SLC2A7: variants seen among roughly 807,000 people sequenced by gnomAD.
The protein encoded by SLC2A7 is solute carrier family 2 member 7.
Under a neutral mutation model 50.5 loss-of-function variants are expected in SLC2A7, and 50 were observed. The ratio of observed to expected loss-of-function variants is 0.99; its 90% CI spans 0.79 to 1.25. SLC2A7 has a LOEUF of 1.25. Ranked by LOEUF, SLC2A7 falls within the 50% of genes most tolerant of loss-of-function variation. The probability of loss-of-function intolerance (pLI) is 0.00; values close to 1 mark genes in which losing one functional copy is unlikely to be tolerated. For missense variants in SLC2A7, 683 were observed against 679.1 expected, an observed-to-expected ratio of 1.01 and a Z score of -0.06; for synonymous variants, 308 against 300.4, an observed-to-expected ratio of 1.03 and a Z score of -0.26.
chr1:9,009,501 G>A (rs971401860), intron 9 of SLC2A7, among the ~76,000 whole-genome samples: 80 of 152,150 alleles, frequency 5.3e-4, no homozygotes, highest in Non-Finnish European at 1.1e-3. Context: ...CTGTCCCCCA[G>A]GCTGGAGTAC....
chr1:9,014,931 C>T (rs1640806249), intron 6 of SLC2A7, 63 bp from the exon 7 acceptor site: 1 of 1,516,726 alleles, frequency 6.6e-7, no homozygotes, highest in Non-Finnish European at 8.8e-7. Context: ...CCCAAGCCCC[C>T]ATGCTGGCCC....
intron 6 of SLC2A7, 59 bp from the exon 7 acceptor site, chr1:9,014,927 C>T: frequency 2.0e-6 from 3 of 1,520,604 alleles, no homozygotes; most frequent in Admixed American, 4.2e-5. Flanking sequence ...GGGCCCCAAG[C>T]CCCCATGCTG....
At chr1:9,017,335 AAAC>A (rs537017393) in intron 5 of SLC2A7, among the ~76,000 whole-genome samples, 3 of 151,972 alleles carry the variant, frequency 2.0e-5, no homozygotes, top group African/African-American at 7.3e-5. Flanking sequence ...AACAACAACA[AAAC>A]AACAACAACA....
chr1:9,022,308 C>T (rs1015379649), intron 3 of SLC2A7, among the ~76,000 whole-genome samples: 1 of 152,168 alleles, frequency 6.6e-6, no homozygotes, highest in African/African-American at 2.4e-5. Context: ...CACGCTTTGC[C>T]CTCCTGGGAA....
chr1:9,021,641 C>T (rs965419398), intron 3 of SLC2A7, among the ~76,000 whole-genome samples: 8 of 152,216 alleles, frequency 5.3e-5, no homozygotes, highest in African/African-American at 1.9e-4. Context: ...CTCCCTGGGG[C>T]TGCCACAGCC....
At chr1:9,004,429 T>A (rs1423333149) in intron 11 of SLC2A7, among the ~76,000 whole-genome samples, 2 of 152,072 alleles carry the variant, frequency 1.3e-5, no homozygotes, top group African/African-American at 4.8e-5. Flanking sequence ...TGGCCCATCT[T>A]GTCTTCGGAA....
intron 11 of SLC2A7, among the ~76,000 whole-genome samples, chr1:9,004,454 G>C (rs550902291): frequency 1.2e-4 from 18 of 152,174 alleles, no homozygotes; most frequent in Admixed American, 1.1e-3. Context: ...GGAAGGAAGC[G>C]GTGGGGGATC....
chr1:9,014,722 T>C lies in SLC2A7; in HGVS notation c.862A>G (p.Ile288Val), dbSNP rs1640799749. ...AGCTGCTGGCCGGCCATGAGCACGA[T>C]GATGGAGAGGAGCTGCCAGCGCAGG... ...RSLRWQLLSI[I>V]VLMAGQQLSG... Residue 288 changes from isoleucine to valine, a missense_variant, in exon 7 of 12, where the codon ATC (isoleucine) becomes GTC (valine). Coordinates refer to ENST00000400906, the MANE Select transcript of SLC2A7 (RefSeq NM_207420.3). 2 of 1,569,910 alleles carry C rather than the reference T, an allele frequency of 1.3e-6. No individual in the cohort carries two copies. The highest frequency in any genetic ancestry group is 1.7e-6 in the Non-Finnish European group (2 of 1,157,702).
At chr1:8,994,768 T>C in the SLC2A7 span, among the ~76,000 whole-genome samples, 1 of 152,018 alleles carries the variant, frequency 6.6e-6, no homozygotes. Flanking sequence ...TTCTTTTTTT[T>C]TCTTTGTTTT....
intron 9 of SLC2A7, 82 bp downstream of exon 9, chr1:9,010,061 G>T: frequency 7.5e-7 from 1 of 1,330,898 alleles, no homozygotes; most frequent in Non-Finnish European, 1.1e-6. Flanking sequence ...CCAACCACTT[G>T]GTGCAGCGGG....
At chr1:8,999,962 C>G (rs898581709), downstream of SLC2A7, among the ~76,000 whole-genome samples, 2 of 152,126 alleles carry the variant, frequency 1.3e-5, no homozygotes, top group Non-Finnish European at 2.9e-5. Context: ...GAACCCTGAC[C>G]TTTGTGAAAT....
intron 1 of SLC2A7, among the ~76,000 whole-genome samples, chr1:9,025,813 G>A (rs1489891009): frequency 6.6e-6 from 1 of 152,166 alleles, no homozygotes; most frequent in Non-Finnish European, 1.5e-5. Flanking sequence ...CTCTGACCAT[G>A]TCCTAGAGCC....
chr1:9,003,682 ACC>A lies in SLC2A7; in HGVS notation c.1321-166_1321-165del, dbSNP rs143526054. Reference sequence around the variant, plus strand: ...AGACCAACCTGGCCAACATGATGAAACCCTGTCTCTATTAAAAATACAAAAAT... The same window carrying A: ...AGACCAACCTGGCCAACATGATGAAACTGTCTCTATTAAAAATACAAAAAT... On this transcript the variant is annotated intron_variant, in intron 11 of 11. Coordinates refer to ENST00000400906, the MANE Select transcript of SLC2A7 (RefSeq NM_207420.3). Among the ~76,000 whole-genome samples the A allele has an allele frequency of 8.6e-3, 1,302 of 152,098 alleles. 15 individuals carry two copies. Among genetic ancestry groups the A allele is most frequent in the African/African-American group, 0.03 (1,265 of 41,490 alleles).
chr1:9,002,075 A>C (rs7517508), downstream of SLC2A7, among the ~76,000 whole-genome samples: 51,902 of 134,892 alleles, frequency 0.38, 9,181 homozygotes, highest in Non-Finnish European at 0.42. Context: ...AGTCATCGCC[A>C]TTCTCCATTG....
At chr1:9,000,960 G>A (rs1430815478), downstream of SLC2A7, among the ~76,000 whole-genome samples, 1 of 152,070 alleles carries the variant, frequency 6.6e-6, no homozygotes, top group Non-Finnish European at 1.5e-5. Flanking sequence ...AGATGTCAAA[G>A]GGCAGAGAGA....
chr1:9,022,162 G>T (rs1224826599), intron 3 of SLC2A7, among the ~76,000 whole-genome samples: 1 of 152,114 alleles, frequency 6.6e-6, no homozygotes, highest in South Asian at 2.1e-4. Flanking sequence ...TTTTTTGAGT[G>T]ACTTTTCACT....
intron 10 of SLC2A7, among the ~76,000 whole-genome samples, chr1:9,006,183 C>T (rs904852608): frequency 3.9e-5 from 6 of 152,204 alleles, no homozygotes; most frequent in African/African-American, 9.7e-5. Flanking sequence ...CACACACTGG[C>T]ACTTTTCCTT....
rs1640857335 is a variant in SLC2A7 at position 9,018,150 on chromosome 1, C to T, written c.589+73G>A. On this transcript the variant is annotated intron_variant, in intron 5 of 11. Coordinates refer to ENST00000400906, the MANE Select transcript of SLC2A7 (RefSeq NM_207420.3). Reference sequence around the variant, plus strand: ...ATCATCTCTCGGGTCTCATCTGACTCGATCCGTCAGTAACACCTGGCACAG... The same window carrying T: ...ATCATCTCTCGGGTCTCATCTGACTTGATCCGTCAGTAACACCTGGCACAG... 1.9e-5 allele frequency: 31 copies of T among 1,591,490 alleles called. No individual in the cohort carries two copies. The Admixed American group carries it at 2.0e-4, about 10-fold the overall frequency.
At chr1:9,007,289 G>C in intron 10 of SLC2A7, 21 bp downstream of exon 10, 2 of 1,613,882 alleles carry the variant, frequency 1.2e-6, no homozygotes, top group Non-Finnish European at 1.7e-6. Flanking sequence ...GCCGGGGCGA[G>C]GGAGGCGTGC....
Sources: allele counts gnomAD v4.1 joint callset (sites outside exome capture counted in the v4.1 genomes callset), GRCh38; gene constraint gnomAD v4.1.1; transcripts MANE v1.5; gene names NCBI Gene and HGNC (gene_info 2026-07-23, HGNC 2026-07-21).